Variants in SEMA4C observed in about 807,000 individuals in gnomAD.
SEMA4C encodes the protein semaphorin 4C, also known as semaphorin-4C.
A neutral mutation model predicts 89.0 loss-of-function variants in SEMA4C; 19 were observed. The observed-to-expected ratio is 0.21, with a 90% CI of 0.15 to 0.31. The LOEUF is 0.31. Among genes scored for constraint, SEMA4C ranks in the 10% least tolerant of loss-of-function variants. SEMA4C has a pLI of 1.00. For synonymous variants in SEMA4C, 428 were observed against 472.7 expected, an observed-to-expected ratio of 0.91 and a Z score of 1.23; for missense variants, 811 against 1,107.0, an observed-to-expected ratio of 0.73 and a Z score of 3.79.
At chr2:96,866,773 G>A in intron 2 of SEMA4C, 1 of 415,582 alleles carries the variant, frequency 2.4e-6, no homozygotes, top group Admixed American at 3.4e-5. Flanking sequence ...CCCCACCTTC[G>A]CTTCCTCGGC....
chr2:96,861,025 A>C lies in SEMA4C; in HGVS notation c.2103T>G (p.Thr701=). 6.2e-7 allele frequency: 1 copy of C among 1,612,918 alleles called. No homozygotes were observed. Among genetic ancestry groups the C allele is most frequent in the Non-Finnish European group, 8.5e-7 (1 of 1,179,992 alleles). ...REELEKGAKA[T]ERTLVYPLEL... is the part of the protein sequence containing the mutation. ...CCAGGGGGTACACCAAGGTCCTCTC[A>C]GTAGCCTTGGCCCCTTTCTCCAGCT... is the stretch of plus-strand genomic sequence containing the variant. Residue 701 remains threonine (T), a synonymous_variant, in exon 15 of 15, where the codon ACT becomes ACG. Transcript: ENST00000305476. The surrounding 1 kb of genome is among the most constrained non-coding windows in gnomAD (Gnocchi z 7.8).
chr2:96,868,386 A>G, intron 1 of SEMA4C: 7 of 994,694 alleles, frequency 7.0e-6, no homozygotes, highest in Non-Finnish European at 8.4e-6. Context: ...GCGGTGGGGT[A>G]GGCGGTCGGG....
chr2:96,865,626 C>A (rs1357653556), intron 5 of SEMA4C, 40 bp downstream of exon 5: 2 of 856,026 alleles, frequency 2.3e-6, no homozygotes, highest in Admixed American at 4.1e-5. Context: ...GTGAGGAGGG[C>A]GGGGGGCTGG....
intron 4 of SEMA4C, 48 bp from the exon 5 acceptor site, chr2:96,865,812 GGGA>G (rs767883137): frequency 1.9e-6 from 3 of 1,613,312 alleles, no homozygotes; most frequent in East Asian, 2.2e-5. Context: ...GGGCCAGAAT[GGGA>G]GGAGACGTCC....
intron 1 of SEMA4C, chr2:96,868,320 C>G (rs996994187): frequency 3.4e-5 from 24 of 714,562 alleles, no homozygotes; most frequent in Admixed American, 3.1e-4. Context: ...ACTGGGGCTC[C>G]GGACCCTGCC....
rs761137211 is a variant in SEMA4C, at chr2:96,866,308, A to G, written c.233T>C (p.Met78Thr). The G allele has an allele frequency of 1.2e-5, 20 of 1,612,410 alleles. No homozygotes were observed. In the Middle Eastern group the frequency reaches 6.6e-4, roughly 53 times the overall value. Residue 78 changes from methionine to threonine, a missense_variant, in exon 3 of 15, where the codon ATG becomes ACG. This residue lies in a region of SEMA4C where 119 missense variants were observed against 152.7 expected (regional missense o/e 0.78). Coordinates refer to ENST00000305476, the MANE Select transcript of SEMA4C (RefSeq NM_017789.5). Reference sequence around the variant, plus strand: ...CGCTCCTTGCAGCTCCAGGGCCTCCATGCTGAAGGCAAACAGGGCCTCTCG... The same window carrying G: ...CGCTCCTTGCAGCTCCAGGGCCTCCGTGCTGAAGGCAAACAGGGCCTCTCG... Reference protein sequence around the residue: ...GAREALFAFSMEALELQGAIS... With the variant: ...GAREALFAFSTEALELQGAIS...
In SEMA4C at chr2:96,864,745, A is replaced by T; in HGVS notation, c.922T>A (p.Trp308Arg). ...ACCCCAAAGAAGGTGGTGTTGTGCC[A>T]GGAGGTGTCCTGCAGGGTGTGCATC... ...QAMHTLQDTS[W>R]HNTTFFGVFQ... is the part of the protein sequence containing the mutation. Residue 308 changes from tryptophan to arginine, a missense_variant, in exon 9 of 15, where the codon TGG becomes AGG. Trp to Arg is a moderately radical substitution (Grantham distance 101). Transcript: ENST00000305476. This position sits in a 1 kb window ranked among gnomAD's most constrained non-coding sequence, Gnocchi z 6.3. 1 of 1,613,224 alleles carries T rather than the reference A, an allele frequency of 6.2e-7. No homozygotes were observed. Among genetic ancestry groups the T allele is most frequent in the Non-Finnish European group, 8.5e-7 (1 of 1,179,400 alleles).
In SEMA4C at chr2:96,860,983, G is replaced by A. The variant is rs1469612652; in HGVS notation, c.2145C>T (p.Pro715=). ...GACAGGGCCGGAAGGGGGGACTGGTGGGCTCCTTGGGCAGCTCCAGGGGGT... is the reference window on the plus strand; with the variant it reads ...GACAGGGCCGGAAGGGGGGACTGGTAGGCTCCTTGGGCAGCTCCAGGGGGT... ...LVYPLELPKE[P]TSPPFRPCPE... The change falls in exon 15 of 15, where the codon CCC becomes CCT. Residue 715 remains proline, a synonymous_variant. Coordinates refer to ENST00000305476, the MANE Select transcript of SEMA4C (RefSeq NM_017789.5). 3 of 1,612,932 alleles carry A rather than the reference G, an allele frequency of 1.9e-6. No homozygotes were observed. The highest frequency in any genetic ancestry group is 2.2e-5 in the East Asian group (1 of 44,882).
rs768298815 is a variant in SEMA4C at position 96,861,876 on chromosome 2, A to C, written c.1462T>G (p.Ser488Ala). 6.2e-7 allele frequency: 1 copy of C among 1,611,448 alleles called. No homozygotes were observed. Among genetic ancestry groups the C allele is most frequent in the East Asian group, 2.2e-5 (1 of 44,842 alleles). Residue 488 changes from serine (S) to alanine (A), a missense_variant, in exon 13 of 15, where the codon TCC (serine) becomes GCC (alanine). Physicochemically the swap from Ser to Ala is moderately conservative, Grantham distance 99. Transcript: ENST00000305476. This position sits in a 1 kb window ranked among gnomAD's most constrained non-coding sequence, Gnocchi z 7.8. Reference protein sequence around the residue: ...SQSKKLLFAGSRSQLVQLPVA... With the variant: ...SQSKKLLFAGARSQLVQLPVA... ...GGCAGCTGCACCAGCTGAGAGCGGGAGCCGGCAAAGAGCAGCTTCTGCGAG... is the reference window on the plus strand; with the variant it reads ...GGCAGCTGCACCAGCTGAGAGCGGGCGCCGGCAAAGAGCAGCTTCTGCGAG...
rs939492055 is a variant in SEMA4C at position 96,869,737 on chromosome 2, A to T, written c.-38+139T>A. ...GGTCGCAGGAAGGATCCCCGCGTACAGCCGTCTCCGCCGCCGCGGCTCCCC... is the reference window on the plus strand; with the variant it reads ...GGTCGCAGGAAGGATCCCCGCGTACTGCCGTCTCCGCCGCCGCGGCTCCCC... On this transcript the variant is annotated intron_variant, in intron 1 of 14. Transcript: ENST00000305476. The T allele has an allele frequency of 8.1e-6, 8 of 985,116 alleles. No homozygotes were observed. The African/African-American group carries it at 1.2e-4, about 15-fold the overall frequency. 61.0% of individuals were successfully genotyped at this position (985,116 alleles called of 1,614,324 possible).
At chr2:96,865,788 T>C in intron 4 of SEMA4C, 24 bp from the exon 5 acceptor site, 1 of 1,613,830 alleles carries the variant, frequency 6.2e-7, no homozygotes, top group Non-Finnish European at 8.5e-7. Context: ...GGTGTCCGGT[T>C]AGTGAGAGCG....
intron 12 of SEMA4C, 167 bp downstream of exon 12, chr2:96,863,515 G>A (rs1173943693): frequency 1.2e-5 from 10 of 865,128 alleles, no homozygotes; most frequent in South Asian, 5.3e-5. Flanking sequence ...TTTCATTCTC[G>A]TTTCCAGGAA....
In SEMA4C at chr2:96,867,926, G is replaced by C. The variant is rs2080118233; in HGVS notation, c.-37-3C>G. On this transcript the variant is annotated splice_region_variant and splice_polypyrimidine_tract_variant and intron_variant, in intron 1 of 14. Coordinates refer to ENST00000305476, the MANE Select transcript of SEMA4C (RefSeq NM_017789.5). ...CTCTGAGCTTCAGGCCAGCTGTCCT[G>C]CTGAGGGAAAAGACATGGTCAGAAA... 1 of 1,612,870 alleles carries C rather than the reference G, an allele frequency of 6.2e-7. No individual in the cohort carries two copies. The highest frequency in any genetic ancestry group is 8.5e-7 in the Non-Finnish European group (1 of 1,179,958).
At chr2:96,867,187 G>C (rs1474153055) in intron 2 of SEMA4C, among the ~76,000 whole-genome samples, 1 of 152,210 alleles carries the variant, frequency 6.6e-6, no homozygotes, top group Non-Finnish European at 1.5e-5. Context: ...AATGGATCCA[G>C]ACACAGACCG....
intron 1 of SEMA4C, chr2:96,868,972 A>C (rs2080145514): frequency 1.0e-6 from 1 of 985,028 alleles, no homozygotes; most frequent in Admixed American, 6.2e-5. Context: ...ACCCCCAAAC[A>C]AAGGGTCCCC....
Position 96,864,802 on chromosome 2 carries a change from T to A in SEMA4C, c.865A>T (p.Asn289Tyr). Residue 289 changes from asparagine (N) to tyrosine (Y), a missense_variant, in exon 9 of 15, where the codon AAC becomes TAC. Asn to Tyr is a moderately radical substitution (Grantham distance 143). Transcript: ENST00000305476. This position sits in a 1 kb window ranked among gnomAD's most constrained non-coding sequence, Gnocchi z 6.3. ...AGCTGGTTGAAGTAGAGCTGCCAGT[T>A]CGGGGCAGAGCATGCCAGCCGCGCC... ...LKARLACSAP[N>Y]WQLYFNQLQA... is the part of the protein sequence containing the mutation. 1.9e-6 allele frequency: 3 copies of A among 1,613,870 alleles called. No individual in the cohort carries two copies. The South Asian group carries it at 3.3e-5, about 18-fold the overall frequency.
In SEMA4C at chr2:96,866,371, G is replaced by A. The variant is rs779839120; in HGVS notation, c.170C>T (p.Thr57Met). ...CAGAAGCCCAGTGGGCTCCGTCAGC[G>A]TCAGTGTCAGGAAGTCCTGGATGCC... ...QTGIQDFLTLTLTEPTGLLYV... is the reference protein window; with the variant it reads ...QTGIQDFLTLMLTEPTGLLYV... Residue 57 changes from threonine (T) to methionine (M), a missense_variant, in exon 3 of 15, where the codon ACG becomes ATG. Transcript: ENST00000305476. The A allele has an allele frequency of 3.8e-5, 62 of 1,613,808 alleles. No homozygotes were observed. Among genetic ancestry groups the A allele is most frequent in the African/African-American group, 1.5e-4 (11 of 74,946 alleles).
chr2:96,867,786 G>A lies in SEMA4C; in HGVS notation c.101C>T (p.Ser34Phe), dbSNP rs2080114764. 2 of 1,613,316 alleles carry A rather than the reference G, an allele frequency of 1.2e-6. No individual in the cohort carries two copies. The highest frequency in any genetic ancestry group is 1.7e-6 in the Non-Finnish European group (2 of 1,179,832). The change falls in exon 2 of 15, where the codon TCT becomes TTT. Residue 34 changes from serine (S) to phenylalanine (F), a missense_variant. By Grantham distance (155) the Ser-to-Phe change is radical. Around this residue, in one of 4 missense-constraint regions of SEMA4C, gnomAD observed 119 missense variants for 152.7 expected, o/e 0.78. Transcript: ENST00000305476. ...CCCCTCCAGGCACTCACCCCCAGAA[G>A]ACACTGTCTTACGCGGCACAAGGTT... The part of the protein sequence containing the change: ...WWNLVPRKTV[S>F]SGELATVVRR...
chr2:96,862,463 G>A (rs1343342511), intron 12 of SEMA4C: 1 of 152,942 alleles, frequency 6.5e-6, no homozygotes, highest in African/African-American at 2.4e-5. Context: ...GTCATGCCTG[G>A]AATCCCAGCA....
Sources: allele counts gnomAD v4.1 joint callset (sites outside exome capture counted in the v4.1 genomes callset), GRCh38; gene constraint gnomAD v4.1.1; regional missense constraint gnomAD v4.1.1; non-coding constraint Gnocchi (gnomAD v3.1); transcripts MANE v1.5; gene names NCBI Gene and HGNC (gene_info 2026-07-23, HGNC 2026-07-21).